TMEM154: variants seen among roughly 807,000 people sequenced by gnomAD.
TMEM154 encodes the protein transmembrane protein 154.
TMEM154 carries 27 observed loss-of-function variants against 24.5 expected under a neutral mutation model. The observed-to-expected ratio is 1.10, with a 90% CI of 0.81 to 1.52. TMEM154 has a LOEUF of 1.52. TMEM154 is among the 40% of genes most tolerant of loss of function. The probability of loss-of-function intolerance (pLI) is 0.00; values close to 1 mark genes in which losing one functional copy is unlikely to be tolerated. For missense variants in TMEM154, 228 were observed against 213.4 expected, an observed-to-expected ratio of 1.07 and a Z score of -0.43; for synonymous variants, 67 against 76.8, an observed-to-expected ratio of 0.87 and a Z score of 0.67.
intron 1 of TMEM154, among the ~76,000 whole-genome samples, chr4:152,671,921 G>A (rs1029227304): frequency 6.6e-6 from 1 of 151,870 alleles, no homozygotes; most frequent in East Asian, 1.9e-4. Context: ...AGGTCTGGCT[G>A]GAGGTGGTTA....
Position 152,652,716 on chromosome 4 carries a change from T to TAAA in TMEM154, c.273_275dup (p.Leu91_Leu92insPhe). ...AGTATGTTGCAAGGAATACCACGGA[T>TAAA]AAAAGTAAGAGGACCAATAAAATCA... On this transcript the variant is annotated inframe_insertion, in exon 2 of 7. Transcript: ENST00000304385. The TAAA allele has an allele frequency of 6.2e-7, 1 of 1,614,006 alleles. No individual in the cohort carries two copies. Among genetic ancestry groups the TAAA allele is most frequent in the Non-Finnish European group, 8.5e-7 (1 of 1,179,956 alleles).
intron 1 of TMEM154, among the ~76,000 whole-genome samples, chr4:152,677,048 C>T (rs1728963637): frequency 6.6e-6 from 1 of 152,214 alleles, no homozygotes; most frequent in African/African-American, 2.4e-5. Flanking sequence ...CCCCACTTTA[C>T]TCCATGAGCA....
In TMEM154 at chr4:152,636,251, C is replaced by G. The variant is rs1752146759; in HGVS notation, c.536+4677G>C. 2.0e-5 allele frequency among the ~76,000 whole-genome samples: 3 copies of G among 152,188 alleles called. 1 individual carries two copies. In the South Asian group the frequency reaches 6.2e-4, roughly 31 times the overall value. On this transcript the variant is annotated intron_variant, in intron 6 of 6. Transcript: ENST00000304385. Reference sequence around the variant, plus strand: ...GTTTTCTGTCGTTACCATGTGTTGGCAATGCTTAACCAGATCAGGGATGAA... The same window carrying G: ...GTTTTCTGTCGTTACCATGTGTTGGGAATGCTTAACCAGATCAGGGATGAA...
intron 1 of TMEM154, among the ~76,000 whole-genome samples, chr4:152,658,420 A>C (rs1247089631): frequency 6.6e-6 from 1 of 152,214 alleles, no homozygotes; most frequent in Non-Finnish European, 1.5e-5. Flanking sequence ...AATTAGTAGA[A>C]GGAAAGAAAT....
At chr4:152,628,765 T>C (rs1254569081) in intron 6 of TMEM154, among the ~76,000 whole-genome samples, 1 of 149,864 alleles carries the variant, frequency 6.7e-6, no homozygotes, top group African/African-American at 2.5e-5. Flanking sequence ...GCCTCCTGAG[T>C]AGCTGGGACT....
In TMEM154 at chr4:152,626,450, C is replaced by G. The variant is rs1343094777; in HGVS notation, c.*2096G>C. 1.3e-5 allele frequency: 2 copies of G among 152,212 alleles called. No homozygotes were observed. Among genetic ancestry groups the G allele is most frequent in the Non-Finnish European group, 2.9e-5 (2 of 68,030 alleles). The allele number at this position is 152,212 out of a possible 1,614,324, so 9.4% of individuals were successfully genotyped here. A position where few individuals can be genotyped will look rare whatever the true frequency, so the allele number is the denominator to read the frequency against. On this transcript the variant is annotated 3_prime_UTR_variant, in exon 7 of 7. Coordinates refer to ENST00000304385, the MANE Select transcript of TMEM154 (RefSeq NM_152680.3). ...GTACAAGAATTGAGGCTTGGCTGTTCTGGCTGTATACTAACTTCATATACC... is the reference window on the plus strand; with the variant it reads ...GTACAAGAATTGAGGCTTGGCTGTTGTGGCTGTATACTAACTTCATATACC...
chr4:152,671,725 C>A (rs1207006287), intron 1 of TMEM154, among the ~76,000 whole-genome samples: 1 of 100,160 alleles, frequency 1.0e-5, no homozygotes, highest in African/African-American at 4.1e-5. Flanking sequence ...CCAGCCTGGG[C>A]GACAGAGCGA....
At chr4:152,670,369 G>C (rs1018622905) in intron 1 of TMEM154, among the ~76,000 whole-genome samples, 3 of 152,104 alleles carry the variant, frequency 2.0e-5, no homozygotes, top group Admixed American at 6.6e-5. Flanking sequence ...CAAAGTGGGC[G>C]GATTACTTGA....
intron 3 of TMEM154, among the ~76,000 whole-genome samples, chr4:152,651,549 A>G (rs1728383331): frequency 6.6e-6 from 1 of 151,866 alleles, no homozygotes; most frequent in Non-Finnish European, 1.5e-5. Flanking sequence ...CAGCTTCCTC[A>G]CCTCTCTCAG....
chr4:152,644,434 C>A lies in TMEM154; in HGVS notation c.373G>T (p.Gly125Ter). 1.9e-6 allele frequency: 3 copies of A among 1,614,150 alleles called. No individual in the cohort carries two copies. Among genetic ancestry groups the A allele is most frequent in the Non-Finnish European group, 2.5e-6 (3 of 1,180,036 alleles). The change falls in exon 4 of 7, where the codon GGA becomes TGA. Residue 125 changes from glycine (G) to a stop codon, truncating the protein, a stop_gained. Coordinates refer to ENST00000304385, the MANE Select transcript of TMEM154 (RefSeq NM_152680.3). LOFTEE classifies it high-confidence loss of function. ...SQSALQTYELGSENVKVPIFE... is the reference protein window; with the variant it reads ...SQSALQTYEL ...ACTTACACTTTCACGTTTTCACTTC[C>A]CAGTTCATCTAAAAGGAAATGAACA...
chr4:152,655,845 G>A (rs1728480460), intron 1 of TMEM154, among the ~76,000 whole-genome samples: 1 of 152,124 alleles, frequency 6.6e-6, no homozygotes, highest in Non-Finnish European at 1.5e-5. Context: ...CTTCACCTGA[G>A]CTTTCTATCA....
intron 3 of TMEM154, among the ~76,000 whole-genome samples, chr4:152,652,045 ACT>A (rs1335271168): frequency 6.6e-6 from 1 of 152,234 alleles, no homozygotes; most frequent in East Asian, 1.9e-4. Flanking sequence ...AATTAAGTTC[ACT>A]GTCTTCTGTG....
intron 3 of TMEM154, among the ~76,000 whole-genome samples, chr4:152,651,345 T>A (rs1013979529): frequency 6.6e-6 from 1 of 152,218 alleles, no homozygotes; most frequent in Non-Finnish European, 1.5e-5. Context: ...AACAGAGGAC[T>A]GTTTCATCTA....
chr4:152,629,602 C>A (rs992087372), intron 6 of TMEM154, among the ~76,000 whole-genome samples: 2 of 152,190 alleles, frequency 1.3e-5, no homozygotes, highest in Admixed American at 1.3e-4. Flanking sequence ...TCCCTTCACT[C>A]ACATCCTAGC....
At chr4:152,657,535 C>T (rs781150937) in intron 1 of TMEM154, among the ~76,000 whole-genome samples, 1 of 152,052 alleles carries the variant, frequency 6.6e-6, no homozygotes, top group African/African-American at 2.4e-5. Context: ...AAAAAGAAGA[C>T]CTGTTTAATG....
rs1751911489 is a variant in TMEM154 at position 152,625,985 on chromosome 4, A to T, written c.*2561T>A. The T allele has an allele frequency of 6.6e-6, 1 of 152,246 alleles. No individual in the cohort carries two copies. Among genetic ancestry groups the T allele is most frequent in the Admixed American group, 6.5e-5 (1 of 15,284 alleles). The allele number at this position is 152,246 out of a possible 1,614,324, so 9.4% of individuals were successfully genotyped here. On this transcript the variant is annotated 3_prime_UTR_variant, in exon 7 of 7. Coordinates refer to ENST00000304385, the MANE Select transcript of TMEM154 (RefSeq NM_152680.3). ...CCCAAGACCAGTTTTACTCATCTTTATCACATTTGTTTGATGTGGGTTATC... is the reference window on the plus strand; with the variant it reads ...CCCAAGACCAGTTTTACTCATCTTTTTCACATTTGTTTGATGTGGGTTATC...
intron 3 of TMEM154, among the ~76,000 whole-genome samples, chr4:152,651,438 A>G (rs1201684007): frequency 6.6e-6 from 1 of 152,216 alleles, no homozygotes; most frequent in Non-Finnish European, 1.5e-5. Context: ...CAGCTCCTAC[A>G]TCAGTCCTTG....
chr4:152,637,069 T>G (rs1241949283), intron 6 of TMEM154, among the ~76,000 whole-genome samples: 1 of 151,996 alleles, frequency 6.6e-6, no homozygotes, highest in African/African-American at 2.4e-5. Flanking sequence ...TGGGGGACGT[T>G]GATAATGGGG....
chr4:152,628,842 TCAC>T (rs1751976382), intron 6 of TMEM154, among the ~76,000 whole-genome samples: 3 of 151,214 alleles, frequency 2.0e-5, no homozygotes, highest in Non-Finnish European at 4.4e-5. Context: ...AGGCGGGGTT[TCAC>T]CATGTTAGCC....
Sources: gnomAD v4.1 joint callset for allele counts (sites outside exome capture counted in the v4.1 genomes callset) on GRCh38, gnomAD v4.1.1 for gene constraint, MANE v1.5 for transcripts, NCBI Gene and HGNC (gene_info 2026-07-23, HGNC 2026-07-21) for gene names.